Variants in RPIA observed in about 807,000 individuals in gnomAD.
The protein encoded by RPIA is ribose 5-phosphate isomerase A.
In RPIA, 29 loss-of-function variants were observed where a neutral mutation model predicts 37.8. The ratio of observed to expected loss-of-function variants is 0.77; its 90% CI spans 0.57 to 1.05. The LOEUF (loss-of-function observed/expected upper bound fraction) is 1.05. Among genes scored for constraint, RPIA ranks in the 50% least tolerant of loss-of-function variants. The pLI is 0.00. For synonymous variants in RPIA, 167 were observed against 157.0 expected (o/e 1.06, Z -0.48); for missense variants, 385 against 413.6 (o/e 0.93, Z 0.60).
intron 4 of RPIA, among the ~76,000 whole-genome samples, chr2:88,733,993 C>T (rs1459668316): frequency 6.6e-6 from 1 of 152,120 alleles, no homozygotes; most frequent in Non-Finnish European, 1.5e-5. Flanking sequence ...TTCGGGAACT[C>T]ATCAGCTTTC....
At chr2:88,699,091 C>T (rs373792829) in intron 2 of RPIA, among the ~76,000 whole-genome samples, 32 of 152,324 alleles carry the variant, frequency 2.1e-4, no homozygotes, top group African/African-American at 7.7e-4. Flanking sequence ...GAACAAAGCC[C>T]AGAGGAGAGG....
At chr2:88,712,930 A>G (rs889186045) in intron 3 of RPIA, among the ~76,000 whole-genome samples, 1 of 150,604 alleles carries the variant, frequency 6.6e-6, no homozygotes, top group South Asian at 2.1e-4. Context: ...GTGCAATGGC[A>G]TGATCTCACC....
Position 88,727,859 on chromosome 2 carries a change from T to C in RPIA, c.403-1419T>C, listed in dbSNP as rs182483590. Among the ~76,000 whole-genome samples the C allele has an allele frequency of 1.5e-4, 23 of 152,244 alleles. 1 individual carries two copies. In the East Asian group the frequency reaches 4.4e-3, roughly 29 times the overall value. ...CTTTGATAAGTTCAAAATCATAAGG[T>C]TTTTTTTGAACTTGCTTATTCAGCC... On this transcript the variant is annotated intron_variant, in intron 3 of 8. Transcript: ENST00000283646.
chr2:88,727,531 T>C (rs1299902046), intron 3 of RPIA, among the ~76,000 whole-genome samples: 1 of 152,224 alleles, frequency 6.6e-6, no homozygotes, highest in African/African-American at 2.4e-5. Flanking sequence ...TTATTTTCCC[T>C]GATCGTCTCC....
rs181186376 is a variant in RPIA, at chr2:88,750,391, C to T, written c.*313C>T. The T allele has an allele frequency of 4.9e-6, 2 of 409,690 alleles. No homozygotes were observed. The highest frequency in any genetic ancestry group is 7.5e-5 in the East Asian group (2 of 26,568). The allele number at this position is 409,690 out of a possible 1,614,324, so 25.4% of individuals were successfully genotyped here. Reference sequence around the variant, plus strand: ...AAAATGAGGTAAACTGTATTTAAAACCTTTGACTTGAGTCTGCTGGTAAAG... The same window carrying T: ...AAAATGAGGTAAACTGTATTTAAAATCTTTGACTTGAGTCTGCTGGTAAAG... On this transcript the variant is annotated 3_prime_UTR_variant, in exon 9 of 9. Transcript: ENST00000283646.
At chr2:88,703,533 C>T (rs1672860511) in intron 3 of RPIA, among the ~76,000 whole-genome samples, 1 of 152,250 alleles carries the variant, frequency 6.6e-6, no homozygotes, top group African/African-American at 2.4e-5. Context: ...CCGAGCTCTA[C>T]ATTGGCCCCT....
chr2:88,703,571 G>A (rs147687499), intron 3 of RPIA, among the ~76,000 whole-genome samples: 2 of 152,218 alleles, frequency 1.3e-5, no homozygotes, highest in Admixed American at 6.5e-5. Context: ...TGGCTAGGAC[G>A]CAGGGCATCA....
At chr2:88,737,920 T>C in intron 7 of RPIA, 57 bp from the exon 8 acceptor site, 3 of 1,302,958 alleles carry the variant, frequency 2.3e-6, no homozygotes, top group Non-Finnish European at 3.3e-6. Context: ...TACTTTCCTG[T>C]CCTTCTCTGC....
chr2:88,695,457 A>AT (rs1672720824), intron 1 of RPIA, among the ~76,000 whole-genome samples: 1 of 152,238 alleles, frequency 6.6e-6, no homozygotes, highest in Admixed American at 6.5e-5. Flanking sequence ...AAATCCCCAT[A>AT]CATTTGATCA....
At chr2:88,715,922 G>A (rs1673029739) in intron 3 of RPIA, among the ~76,000 whole-genome samples, 1 of 152,088 alleles carries the variant, frequency 6.6e-6, no homozygotes, top group South Asian at 2.1e-4. Flanking sequence ...CTAAGCCAAG[G>A]GAAAAGTCAA....
intron 3 of RPIA, among the ~76,000 whole-genome samples, chr2:88,701,716 G>T (rs1056515698): frequency 1.1e-3 from 22 of 20,940 alleles, no homozygotes; most frequent in Non-Finnish European, 6.1e-4. Flanking sequence ...GAGCAAACTG[G>T]GAGCGTGTCC....
chr2:88,694,905 G>A (rs1342332771), intron 1 of RPIA, among the ~76,000 whole-genome samples: 1 of 146,688 alleles, frequency 6.8e-6, no homozygotes, highest in African/African-American at 2.5e-5. Context: ...TGCCCTTTTT[G>A]TTCAGTCACA....
chr2:88,705,789 A>G (rs996269857), intron 3 of RPIA, among the ~76,000 whole-genome samples: 1 of 152,200 alleles, frequency 6.6e-6, no homozygotes, highest in Non-Finnish European at 1.5e-5. Context: ...AATGGGAGAA[A>G]ATTTTTGCAA....
chr2:88,728,021 C>T (rs2104123252), intron 3 of RPIA, among the ~76,000 whole-genome samples: 1 of 152,250 alleles, frequency 6.6e-6, no homozygotes, highest in Admixed American at 6.5e-5. Context: ...TCATCCATAC[C>T]TAAATATCCC....
intron 3 of RPIA, among the ~76,000 whole-genome samples, chr2:88,706,304 C>T (rs1370621959): frequency 1.3e-5 from 2 of 152,184 alleles, no homozygotes; most frequent in Non-Finnish European, 1.5e-5. Flanking sequence ...GGAATCAACC[C>T]AAATGCCACC....
chr2:88,721,870 C>T (rs1325556446), intron 3 of RPIA, among the ~76,000 whole-genome samples: 1 of 150,920 alleles, frequency 6.6e-6, no homozygotes, highest in South Asian at 2.1e-4. Context: ...CCTTACTGTT[C>T]TAATAAATTC....
intron 3 of RPIA, among the ~76,000 whole-genome samples, chr2:88,706,176 TCATTTGACTCAGCA>T (rs1672894774): frequency 6.6e-6 from 1 of 152,102 alleles, no homozygotes; most frequent in African/African-American, 2.4e-5. Flanking sequence ...GCCAGAAATA[TCATTTGACTCAGCA>T]ATCCCATTGC....
chr2:88,743,240 A>G (rs1673403509), intron 8 of RPIA, among the ~76,000 whole-genome samples: 1 of 152,134 alleles, frequency 6.6e-6, no homozygotes. Flanking sequence ...GAGGGTTTTA[A>G]TAATAAAGCA....
chr2:88,742,207 A>T (rs1467400494), intron 8 of RPIA, among the ~76,000 whole-genome samples: 1 of 152,136 alleles, frequency 6.6e-6, no homozygotes, highest in Non-Finnish European at 1.5e-5. Context: ...TAAGTCTTTG[A>T]TCCATCTTGA....
Sources: allele counts gnomAD v4.1 joint callset (sites outside exome capture counted in the v4.1 genomes callset), GRCh38; gene constraint gnomAD v4.1.1; transcripts MANE v1.5; gene names NCBI Gene and HGNC (gene_info 2026-07-23, HGNC 2026-07-21).